The following YBEY variants were observed in gnomAD, a reference collection of about 807,000 sequenced individuals.
The protein encoded by YBEY is endoribonuclease YbeY.
A neutral mutation model predicts 13.5 loss-of-function variants in YBEY; 15 were observed. That is an observed-to-expected ratio of 1.11 (90% CI 0.75 to 1.72). The LOEUF (loss-of-function observed/expected upper bound fraction) is 1.72, where lower values mean the gene tolerates loss of function less well. YBEY is among the 40% of genes most tolerant of loss of function. The pLI, the probability that YBEY is intolerant of heterozygous loss-of-function variation, is 0.00. For missense variants in YBEY, 244 were observed against 208.4 expected (o/e 1.17, Z -1.05); for synonymous variants, 101 against 83.1 (o/e 1.21, Z -1.17).
chr21:46,311,689 A>G, the YBEY span: 5 of 509,552 alleles, frequency 9.8e-6, no homozygotes, highest in Non-Finnish European at 1.7e-5. Context: ...CCACCCATCC[A>G]TCCAACCAAC....
At chr21:46,298,000 CTGAG>C (rs2082006746), downstream of YBEY, among the ~76,000 whole-genome samples, 1 of 152,124 alleles carries the variant, frequency 6.6e-6, no homozygotes, top group Non-Finnish European at 1.5e-5. Context: ...CTTTTACCTC[CTGAG>C]TATTGGAATA....
At chr21:46,304,975 C>G in the YBEY span, among the ~76,000 whole-genome samples, 2 of 152,216 alleles carry the variant, frequency 1.3e-5, no homozygotes, top group Non-Finnish European at 2.9e-5. Flanking sequence ...CTGTGTGGCT[C>G]CACTCACAGG....
In YBEY at chr21:46,289,928, T is replaced by C. The variant is rs552427173; in HGVS notation, c.211-1406T>C. Among the ~76,000 whole-genome samples the C allele has an allele frequency of 4.7e-5, 7 of 149,624 alleles. No homozygotes were observed. In the Admixed American group the frequency reaches 4.7e-4, roughly 10 times the overall value. On this transcript the variant is annotated intron_variant, in intron 2 of 4. Coordinates refer to ENST00000397701, the MANE Select transcript of YBEY (RefSeq NM_001314025.2). ...GGTTGTCATAGCCTTTGTGCAAGGT[T>C]GCAGTTTTGTGTGTGTGTAAGGTTG...
rs138237551 is a variant in YBEY, at chr21:46,295,360, AC to A, written c.340-799del. On this transcript the variant is annotated intron_variant, in intron 3 of 4. Transcript: ENST00000397701. Reference sequence around the variant, plus strand: ...GGCACCTCCCGCCAGCCCCAAGGATACCCACCTCCCAGACCTCCCTCTTCCC... The same window carrying A: ...GGCACCTCCCGCCAGCCCCAAGGATACCACCTCCCAGACCTCCCTCTTCCC... Among the ~76,000 whole-genome samples, 1,184 of 151,858 alleles carry A rather than the reference AC, an allele frequency of 7.8e-3. 16 individuals carry two copies. The highest frequency in any genetic ancestry group is 0.027 in the African/African-American group (1,131 of 41,388).
At chr21:46,301,290 T>G, downstream of YBEY, 1 of 258,752 alleles carries the variant, frequency 3.9e-6, no homozygotes. Context: ...AACAGGCGCA[T>G]ATCACCACAC....
At chr21:46,288,636 A>G (rs1216711749) in intron 2 of YBEY, among the ~76,000 whole-genome samples, 1 of 151,836 alleles carries the variant, frequency 6.6e-6, no homozygotes, top group African/African-American at 2.4e-5. Flanking sequence ...CTGAGATTGC[A>G]CCACTGCACT....
intron 4 of YBEY, 109 bp from the exon 5 acceptor site, chr21:46,297,430 G>T: frequency 9.2e-7 from 1 of 1,086,428 alleles, no homozygotes; most frequent in South Asian, 3.6e-5. Flanking sequence ...CCGCGCGGGC[G>T]GCCGGCTTCC....
intron 3 of YBEY, among the ~76,000 whole-genome samples, chr21:46,294,941 C>G (rs2081901431): frequency 6.6e-6 from 1 of 152,190 alleles, no homozygotes; most frequent in Non-Finnish European, 1.5e-5. Flanking sequence ...GACGGCCACA[C>G]AGGAACCTGG....
intron 2 of YBEY, among the ~76,000 whole-genome samples, chr21:46,289,591 G>C: frequency 6.6e-6 from 1 of 151,442 alleles, no homozygotes; most frequent in Non-Finnish European, 1.5e-5. Flanking sequence ...GATTACAGGC[G>C]CCCACCACCA....
At chr21:46,301,361 G>A, downstream of YBEY, 1 of 495,636 alleles carries the variant, frequency 2.0e-6, no homozygotes, top group South Asian at 8.7e-5. Context: ...GACCCAGGCT[G>A]GTCTCGAATT....
chr21:46,303,733 ATATATATATATATTTTTTTTTTTT>A, the YBEY span, among the ~76,000 whole-genome samples: 9 of 32,228 alleles, frequency 2.8e-4, no homozygotes, highest in East Asian at 2.9e-3. Flanking sequence ...ATATATATAT[ATATATATATATATTTTTTTTTTTT>A]TTTTTTTTTT....
chr21:46,290,137 C>T (rs566006617), intron 2 of YBEY, among the ~76,000 whole-genome samples: 2 of 152,196 alleles, frequency 1.3e-5, no homozygotes, highest in South Asian at 2.1e-4. Context: ...CATAGCTTTC[C>T]CCAGCTCTAT....
In YBEY at chr21:46,296,035, G is replaced by T. The variant is rs996039819; in HGVS notation, c.340-127G>T. The T allele has an allele frequency of 6.9e-6, 6 of 875,824 alleles. No individual in the cohort carries two copies. The Admixed American group carries it at 1.1e-4, about 16-fold the overall frequency. 54.3% of individuals were successfully genotyped at this position (875,824 alleles called of 1,614,324 possible). A position where few individuals can be genotyped will look rare whatever the true frequency, so the allele number is the denominator to read the frequency against. ...GCTGAGTGCCTGTAATTCCTGCCCA[G>T]GGGTCTCACAGCAACCCTGGGGTCC... On this transcript the variant is annotated intron_variant, in intron 3 of 4. Coordinates refer to ENST00000397701, the MANE Select transcript of YBEY (RefSeq NM_001314025.2).
In YBEY at chr21:46,296,371, A is replaced by C. The variant is rs941873820; in HGVS notation, c.408+141A>C. 1.7e-5 allele frequency: 15 copies of C among 907,320 alleles called. No individual in the cohort carries two copies. In the Admixed American group the frequency reaches 3.6e-4, roughly 22 times the overall value. 56.2% of individuals were successfully genotyped at this position (907,320 alleles called of 1,614,324 possible). On this transcript the variant is annotated intron_variant, in intron 4 of 4. Coordinates refer to ENST00000397701, the MANE Select transcript of YBEY (RefSeq NM_001314025.2). ...ACCTGCCCTTGTAAAAATGACACAGATGTTTGCTTTCAACACCGGGCTCCC... is the reference window on the plus strand; with the variant it reads ...ACCTGCCCTTGTAAAAATGACACAGCTGTTTGCTTTCAACACCGGGCTCCC...
chr21:46,296,807 C>T (rs537342013), intron 4 of YBEY, among the ~76,000 whole-genome samples: 32 of 151,246 alleles, frequency 2.1e-4, no homozygotes, highest in Admixed American at 5.3e-4. Flanking sequence ...CCAGCCTGGC[C>T]AACATGGAGA....
At chr21:46,299,462 C>T (rs1451898455), downstream of YBEY, among the ~76,000 whole-genome samples, 1 of 152,122 alleles carries the variant, frequency 6.6e-6, no homozygotes, top group East Asian at 1.9e-4. Context: ...TGCCCTGATT[C>T]TGGACCCTCT....
chr21:46,301,676 G>A, downstream of YBEY: 1 of 1,136,918 alleles, frequency 8.8e-7, no homozygotes, highest in Non-Finnish European at 1.1e-6. Context: ...CGTGATGGAA[G>A]AGGGGGATCT....
the YBEY span, among the ~76,000 whole-genome samples, chr21:46,308,739 T>G: frequency 2.0e-5 from 3 of 152,174 alleles, no homozygotes; most frequent in South Asian, 6.2e-4. Flanking sequence ...TAAGGGGTAC[T>G]TGGATCATGA....
chr21:46,303,731 ATATATATATATATATTTTTTT>A, the YBEY span, among the ~76,000 whole-genome samples: 10 of 28,432 alleles, frequency 3.5e-4, no homozygotes, highest in Non-Finnish European at 5.9e-4. Flanking sequence ...ATATATATAT[ATATATATATATATATTTTTTT>A]TTTTTTTTTT....
Sources: allele counts gnomAD v4.1 joint callset (sites outside exome capture counted in the v4.1 genomes callset), GRCh38; gene constraint gnomAD v4.1.1; transcripts MANE v1.5; gene names NCBI Gene and HGNC (gene_info 2026-07-23, HGNC 2026-07-21).